Variants in COL28A1 observed in about 807,000 individuals in gnomAD.
The protein encoded by COL28A1 is collagen alpha-1(XXVIII) chain.
In COL28A1, 161 loss-of-function variants were observed where a neutral mutation model predicts 150.2. The ratio of observed to expected loss-of-function variants is 1.07; its 90% CI spans 0.94 to 1.22. The LOEUF (loss-of-function observed/expected upper bound fraction) is 1.22, where lower values mean the gene tolerates loss of function less well. COL28A1 is among the 50% of genes most tolerant of loss of function. The pLI, the probability that COL28A1 is intolerant of heterozygous loss-of-function variation, is 0.00. For synonymous variants in COL28A1, 552 were observed against 469.7 expected, an observed-to-expected ratio of 1.18 and a Z score of -2.26; for missense variants, 1,617 against 1,388.3, an observed-to-expected ratio of 1.16 and a Z score of -2.62.
intron 19 of COL28A1, 51 bp downstream of exon 19, chr7:7,444,367 C>T: frequency 1.2e-6 from 2 of 1,607,254 alleles, no homozygotes; most frequent in Non-Finnish European, 1.7e-6. Context: ...ACCAAGATAT[C>T]AGTTTGGTTC....
At chr7:7,503,956 T>C (rs1266413425) in intron 11 of COL28A1, among the ~76,000 whole-genome samples, 1 of 152,232 alleles carries the variant, frequency 6.6e-6, no homozygotes, top group Non-Finnish European at 1.5e-5. Flanking sequence ...GGCAATTTCA[T>C]GTCATGTATA....
intron 27 of COL28A1, among the ~76,000 whole-genome samples, chr7:7,417,389 G>A (rs1432474864): frequency 1.3e-5 from 2 of 150,490 alleles, no homozygotes; most frequent in African/African-American, 2.5e-5. Context: ...GTTCCTCTGG[G>A]AAAGGGCATT....
At chr7:7,523,179 A>G (rs143679947) in intron 4 of COL28A1, among the ~76,000 whole-genome samples, 1 of 10,164 alleles carries the variant, frequency 9.8e-5, no homozygotes, top group Non-Finnish European at 1.5e-4. Context: ...TTTTTTTTTT[A>G]AACGGGAGTC....
At chr7:7,437,839 G>A (rs1562646197) in intron 21 of COL28A1, among the ~76,000 whole-genome samples, 1 of 152,124 alleles carries the variant, frequency 6.6e-6, no homozygotes, top group Non-Finnish European at 1.5e-5. Context: ...GTTTTAGGGT[G>A]TACTTCTAGG....
Position 7,516,679 on chromosome 7 carries a change from T to C in COL28A1, c.856-839A>G, listed in dbSNP as rs548948352. Among the ~76,000 whole-genome samples, 89 of 152,344 alleles carry C rather than the reference T, an allele frequency of 5.8e-4. 1 individual carries two copies. The highest frequency in any genetic ancestry group is 2.0e-3 in the African/African-American group (85 of 41,574). On this transcript the variant is annotated intron_variant, in intron 7 of 34. Transcript: ENST00000399429. The stretch of plus-strand genomic sequence containing the variant: ...GAGCTGAAGAAACCTATTTAATAAA[T>C]AAGCTATTATTACAGTTACATGTGA...
At chr7:7,374,038 A>AAAAAAAAATATATATATATAT in intron 31 of COL28A1, among the ~76,000 whole-genome samples, 24 of 113,604 alleles carry the variant, frequency 2.1e-4, no homozygotes, top group African/African-American at 9.1e-4. Context: ...AAAAAAAAAA[A>AAAAAAAAATATATATATATAT]ATATATATAT....
chr7:7,430,401 A>G (rs1045459789), intron 25 of COL28A1, among the ~76,000 whole-genome samples: 4 of 152,210 alleles, frequency 2.6e-5, no homozygotes, highest in Admixed American at 2.6e-4. Context: ...TGCTGGAATT[A>G]CAGGCATGAG....
chr7:7,478,691 G>A (rs543302213), intron 13 of COL28A1, among the ~76,000 whole-genome samples: 7 of 152,368 alleles, frequency 4.6e-5, no homozygotes, highest in South Asian at 2.1e-4. Context: ...CCTGCCCCGC[G>A]GAGAGGCAGC....
chr7:7,416,770 A>T (rs184680320), intron 27 of COL28A1, among the ~76,000 whole-genome samples: 4 of 152,364 alleles, frequency 2.6e-5, no homozygotes. Context: ...TTTAACACAC[A>T]TTCTATGAGT....
At chr7:7,453,975 C>G (rs571919372) in intron 16 of COL28A1, among the ~76,000 whole-genome samples, 2 of 152,244 alleles carry the variant, frequency 1.3e-5, no homozygotes, top group South Asian at 4.1e-4. Context: ...AGGCAGTAGT[C>G]AGTTGATTAA....
At chr7:7,420,516 GGAA>G (rs2128308446) in intron 25 of COL28A1, among the ~76,000 whole-genome samples, 1 of 152,308 alleles carries the variant, frequency 6.6e-6, no homozygotes, top group African/African-American at 2.4e-5. Flanking sequence ...GCTAATGATG[GGAA>G]GAAGGAGAGA....
intron 27 of COL28A1, among the ~76,000 whole-genome samples, chr7:7,417,129 T>G (rs1784125480): frequency 6.6e-6 from 1 of 152,082 alleles, no homozygotes; most frequent in African/African-American, 2.4e-5. Context: ...GGGAATTTTT[T>G]AGAATTACAT....
At chr7:7,361,381 G>T (rs1393834522) in intron 33 of COL28A1, among the ~76,000 whole-genome samples, 1 of 152,126 alleles carries the variant, frequency 6.6e-6, no homozygotes, top group African/African-American at 2.4e-5. Flanking sequence ...TGGGTCAAAT[G>T]GTATTTCTGG....
At chr7:7,432,586 G>A (rs529044767) in intron 24 of COL28A1, 45 bp from the exon 25 acceptor site, 7 of 1,610,074 alleles carry the variant, frequency 4.3e-6, no homozygotes, top group Non-Finnish European at 6.0e-6. Flanking sequence ...CTTGTAGTAT[G>A]CAACACTCAA....
the COL28A1 span, among the ~76,000 whole-genome samples, chr7:7,342,121 T>C: frequency 6.6e-6 from 1 of 152,118 alleles, no homozygotes; most frequent in Non-Finnish European, 1.5e-5. Flanking sequence ...GGTTATGTTA[T>C]TAGATACATA....
intron 33 of COL28A1, among the ~76,000 whole-genome samples, chr7:7,363,729 T>C (rs775459286): frequency 6.6e-6 from 1 of 152,160 alleles, no homozygotes; most frequent in Non-Finnish European, 1.5e-5. Context: ...TTTTCTATGC[T>C]CTATGCTATT....
At chr7:7,398,245 A>G (rs1286664986) in intron 27 of COL28A1, among the ~76,000 whole-genome samples, 2 of 152,212 alleles carry the variant, frequency 1.3e-5, no homozygotes, top group Non-Finnish European at 2.9e-5. Context: ...CAAATAATAA[A>G]TATCCAAATT....
the COL28A1 span, among the ~76,000 whole-genome samples, chr7:7,349,139 G>A: frequency 6.6e-6 from 1 of 152,058 alleles, no homozygotes; most frequent in African/African-American, 2.4e-5. Flanking sequence ...GGACCTTAAA[G>A]TAGTCTATAT....
chr7:7,451,972 T>A lies in COL28A1; in HGVS notation c.1509+347A>T, dbSNP rs17518933. The stretch of plus-strand genomic sequence containing the variant: ...TCCTATATAACTTCAGGATGACTTA[T>A]CGAAACTGTGAAGGGTAAACTAAGT... On this transcript the variant is annotated intron_variant, in intron 18 of 34. Transcript: ENST00000399429. 6.1e-3 allele frequency among the ~76,000 whole-genome samples: 933 copies of A among 152,280 alleles called. 7 individuals carry two copies. Among genetic ancestry groups the A allele is most frequent in the East Asian group, 0.022 (114 of 5,184 alleles).
Sources: allele counts gnomAD v4.1 joint callset (sites outside exome capture counted in the v4.1 genomes callset), GRCh38; gene constraint gnomAD v4.1.1; transcripts MANE v1.5; gene names NCBI Gene and HGNC (gene_info 2026-07-23, HGNC 2026-07-21).